JMJD1C: variants seen among roughly 807,000 people sequenced by gnomAD.
The protein encoded by JMJD1C is jumonji domain-containing protein 1C.
A neutral mutation model predicts 245.3 loss-of-function variants in JMJD1C; 31 were observed. That is an observed-to-expected ratio of 0.13 (90% CI 0.09 to 0.17). JMJD1C has a LOEUF of 0.17. Ranked by LOEUF, JMJD1C falls within the 10% of genes least tolerant of loss-of-function variation. JMJD1C has a pLI of 1.00. For synonymous variants in JMJD1C, 1,057 were observed against 1,017.4 expected (o/e 1.04, Z -0.74); for missense variants, 2,691 against 3,000.2 (o/e 0.90, Z 2.41).
At chr10:63,330,747 A>C (rs1942055081) in intron 2 of JMJD1C, among the ~76,000 whole-genome samples, 1 of 152,192 alleles carries the variant, frequency 6.6e-6, no homozygotes, top group Non-Finnish European at 1.5e-5. Flanking sequence ...ATATTCTAAA[A>C]TCAAAAGTTA....
At chr10:63,330,631 TTC>T (rs1263892908) in intron 2 of JMJD1C, among the ~76,000 whole-genome samples, 2 of 151,974 alleles carry the variant, frequency 1.3e-5, no homozygotes, top group Non-Finnish European at 1.5e-5. Context: ...TTATCATTTT[TTC>T]TTTCTCTTCT....
chr10:63,356,702 C>T (rs1049750621), intron 2 of JMJD1C, among the ~76,000 whole-genome samples: 1 of 151,902 alleles, frequency 6.6e-6, no homozygotes, highest in African/African-American at 2.4e-5. Flanking sequence ...TTTATGTTTA[C>T]CCAGAAAGAA....
intron 2 of JMJD1C, among the ~76,000 whole-genome samples, chr10:63,315,838 CA>C (rs531544593): frequency 0.031 from 1,728 of 55,266 alleles, 16 homozygotes; most frequent in African/African-American, 0.057. Context: ...GACACCGTCT[CA>C]AAAAAAAAAA....
At chr10:63,438,879 A>C (rs1951205432) in intron 1 of JMJD1C, among the ~76,000 whole-genome samples, 1 of 151,974 alleles carries the variant, frequency 6.6e-6, no homozygotes, top group Admixed American at 6.6e-5. Context: ...TCATGCTTTT[A>C]TTTTCTTTCC....
intron 4 of JMJD1C, 105 bp downstream of exon 4, chr10:63,219,773 G>A: frequency 1.5e-6 from 1 of 661,372 alleles, no homozygotes; most frequent in Non-Finnish European, 2.7e-6. Flanking sequence ...TCAAAATATT[G>A]GACTGGGCCT....
intron 1 of JMJD1C, among the ~76,000 whole-genome samples, chr10:63,433,586 CTTTT>C (rs539696706): frequency 1.5e-4 from 13 of 86,838 alleles, no homozygotes; most frequent in Non-Finnish European, 2.5e-4. Flanking sequence ...CTTTTCTTTT[CTTTT>C]TTTTTTTTTT....
chr10:63,425,720 G>A (rs999435306), intron 1 of JMJD1C, among the ~76,000 whole-genome samples: 1 of 152,008 alleles, frequency 6.6e-6, no homozygotes, highest in African/African-American at 2.4e-5. Flanking sequence ...AGGAGAAGGT[G>A]GCAGTGAGCC....
At chr10:63,359,227 C>A (rs941857303) in intron 2 of JMJD1C, 1 of 152,374 alleles carries the variant, frequency 6.6e-6, no homozygotes, top group East Asian at 1.9e-4. Flanking sequence ...ATTGGTATAA[C>A]TGGCCTGGGC....
At chr10:63,295,854 ATG>A (rs1268305476) in intron 2 of JMJD1C, among the ~76,000 whole-genome samples, 2 of 150,930 alleles carry the variant, frequency 1.3e-5, no homozygotes, top group Non-Finnish European at 2.9e-5. Context: ...AACATGTTTC[ATG>A]TGTGTTTCTG....
chr10:63,422,647 ATATGCTACT>A, intron 1 of JMJD1C, among the ~76,000 whole-genome samples: 1 of 152,160 alleles, frequency 6.6e-6, no homozygotes, highest in Non-Finnish European at 1.5e-5. Context: ...CTTCCAAACT[ATATGCTACT>A]TTTTGCGTAG....
intron 1 of JMJD1C, among the ~76,000 whole-genome samples, chr10:63,397,885 T>C (rs2132556505): frequency 6.6e-6 from 1 of 152,332 alleles, no homozygotes; most frequent in South Asian, 2.1e-4. Flanking sequence ...AAGTTACAAA[T>C]AATTAAAGTT....
intron 1 of JMJD1C, among the ~76,000 whole-genome samples, chr10:63,448,032 C>T (rs944946117): frequency 6.6e-6 from 1 of 152,156 alleles, no homozygotes; most frequent in African/African-American, 2.4e-5. Context: ...TTGCTTTTGT[C>T]CTATGTAAAA....
At position 63,194,915 on chromosome 10, in the gene JMJD1C, T is replaced by C. The variant is rs1845265867; in HGVS notation, c.5645-540A>G. Among the ~76,000 whole-genome samples the C allele has an allele frequency of 2.6e-5, 4 of 152,224 alleles. No individual in the cohort carries two copies. In the South Asian group the frequency reaches 6.2e-4, roughly 24 times the overall value. ...CCTGAAGTTGTAAAGAATTAAGGCA[T>C]AGCATAGGGCATAACATAAAGAATA... On this transcript the variant is annotated intron_variant, in intron 13 of 25. Transcript: ENST00000399262.
chr10:63,448,907 A>AG (rs1951867158), intron 1 of JMJD1C, among the ~76,000 whole-genome samples: 1 of 152,136 alleles, frequency 6.6e-6, no homozygotes, highest in Non-Finnish European at 1.5e-5. Context: ...ACCTGAAGTC[A>AG]GGAGTTCGAG....
At chr10:63,258,969 T>C (rs1441058962) in intron 3 of JMJD1C, among the ~76,000 whole-genome samples, 1 of 152,212 alleles carries the variant, frequency 6.6e-6, no homozygotes, top group African/African-American at 2.4e-5. Flanking sequence ...GGAAGTATAC[T>C]AATAAATACT....
rs117945235 is a variant in JMJD1C, at chr10:63,432,294, G to C, written c.168+33201C>G. 8.4e-3 allele frequency among the ~76,000 whole-genome samples: 1,286 copies of C among 152,256 alleles called. 45 individuals carry two copies. The highest frequency in any genetic ancestry group is 0.038 in the East Asian group (195 of 5,174). On this transcript the variant is annotated intron_variant, in intron 1 of 25. Coordinates refer to ENST00000399262, the MANE Select transcript of JMJD1C (RefSeq NM_032776.3). ...ACAATGACTCAGCTAACTAGCCCGG[G>C]TGTTCACCTTTGTTTGGGGAGGCAC...
At chr10:63,327,207 C>T (rs1405811926) in intron 2 of JMJD1C, among the ~76,000 whole-genome samples, 1 of 152,056 alleles carries the variant, frequency 6.6e-6, no homozygotes, top group Non-Finnish European at 1.5e-5. Context: ...AAACAAAAAA[C>T]AGGACAGCCT....
intron 22 of JMJD1C, among the ~76,000 whole-genome samples, chr10:63,182,343 G>C (rs1455293570): frequency 6.6e-6 from 1 of 152,226 alleles, no homozygotes; most frequent in African/African-American, 2.4e-5. Flanking sequence ...ATTCATTATA[G>C]ACAGGGGTGA....
chr10:63,436,188 A>G (rs940883183), intron 1 of JMJD1C, among the ~76,000 whole-genome samples: 2 of 152,232 alleles, frequency 1.3e-5, no homozygotes, highest in Admixed American at 6.5e-5. Flanking sequence ...TTTAAGTAGT[A>G]GCCGAATTCA....
Sources: allele counts gnomAD v4.1 joint callset (sites outside exome capture counted in the v4.1 genomes callset), GRCh38; gene constraint gnomAD v4.1.1; transcripts MANE v1.5; gene names NCBI Gene and HGNC (gene_info 2026-07-23, HGNC 2026-07-21).